Variants in CUBN observed in about 807,000 individuals in gnomAD.
CUBN encodes 460 kDa receptor.
CUBN carries 282 observed loss-of-function variants against 405.3 expected under a neutral mutation model. The observed-to-expected ratio is 0.70, with a 90% CI of 0.63 to 0.77. The LOEUF (loss-of-function observed/expected upper bound fraction) is 0.77. CUBN is among the 30% of genes least tolerant of loss of function. CUBN has a pLI of 0.00. For synonymous variants in CUBN, 1,684 were observed against 1,617.0 expected (o/e 1.04, Z -0.99); for missense variants, 4,514 against 4,475.2 (o/e 1.01, Z -0.25).
At chr10:17,063,464 C>T (rs1042151946) in intron 22 of CUBN, among the ~76,000 whole-genome samples, 2 of 152,114 alleles carry the variant, frequency 1.3e-5, no homozygotes, top group African/African-American at 2.4e-5. Flanking sequence ...ATGAAAACAT[C>T]GTCTCCCCTT....
In CUBN at chr10:16,982,637, G is replaced by A. The variant is rs776848635; in HGVS notation, c.4542C>T (p.Phe1514=). Residue 1514 remains phenylalanine (F), a synonymous_variant, in exon 31 of 67, where the codon TTC becomes TTT. Coordinates refer to ENST00000377833, the MANE Select transcript of CUBN (RefSeq NM_001081.4). ...AATGAATCTCTCCACTGGGAGCCTG[G>A]AAAATCCCACCACAACCTGGAAGTG... ...QAVTGGCGGI[F]QAPSGEIHSP... is the part of the protein sequence containing the mutation. 1 of 1,613,064 alleles carries A rather than the reference G, an allele frequency of 6.2e-7. No individual in the cohort carries two copies. The highest frequency in any genetic ancestry group is 1.1e-5 in the South Asian group (1 of 91,050).
At position 17,109,496 on chromosome 10, in the gene CUBN, T is replaced by C. The variant is rs1054466006; in HGVS notation, c.1111+144A>G. The C allele has an allele frequency of 2.7e-5, 19 of 704,204 alleles. No individual in the cohort carries two copies. The African/African-American group carries it at 3.0e-4, about 11-fold the overall frequency. The allele number at this position is 704,204 out of a possible 1,614,324, so 43.6% of individuals were successfully genotyped here. A position where few individuals can be genotyped will look rare whatever the true frequency, so the allele number is the denominator to read the frequency against. ...ATTACATATTTAAGAAAGCCAAATG[T>C]GTAGTTTTATGGCATGGATTAATTT... On this transcript the variant is annotated intron_variant, in intron 10 of 66. Coordinates refer to ENST00000377833, the MANE Select transcript of CUBN (RefSeq NM_001081.4).
intron 27 of CUBN, among the ~76,000 whole-genome samples, chr10:17,027,540 C>G (rs770813457): frequency 6.6e-6 from 1 of 152,086 alleles, no homozygotes; most frequent in Non-Finnish European, 1.5e-5. Context: ...TTCCCAATTT[C>G]CTATAATGAC....
At chr10:16,850,338 G>C (rs1209488612) in intron 60 of CUBN, among the ~76,000 whole-genome samples, 2 of 152,130 alleles carry the variant, frequency 1.3e-5, no homozygotes, top group Non-Finnish European at 2.9e-5. Flanking sequence ...TTTCCCCTGA[G>C]AGTGCAGTAG....
chr10:16,932,197 G>A (rs1015144790), intron 40 of CUBN, among the ~76,000 whole-genome samples: 30 of 152,156 alleles, frequency 2.0e-4, no homozygotes, highest in African/African-American at 6.3e-4. Flanking sequence ...TTCACCATTC[G>A]ATTTTTCTCA....
intron 59 of CUBN, among the ~76,000 whole-genome samples, chr10:16,862,466 G>A (rs1225942831): frequency 6.6e-6 from 1 of 152,136 alleles, no homozygotes; most frequent in Non-Finnish European, 1.5e-5. Flanking sequence ...CACAGGTTCA[G>A]GGACAAGCAG....
At chr10:16,850,762 A>T (rs1839663524) in intron 60 of CUBN, among the ~76,000 whole-genome samples, 1 of 152,222 alleles carries the variant, frequency 6.6e-6, no homozygotes, top group Non-Finnish European at 1.5e-5. Flanking sequence ...CATGAGCCAC[A>T]GTGCCCAGCC....
intron 40 of CUBN, among the ~76,000 whole-genome samples, chr10:16,929,253 G>A (rs1227303040): frequency 6.6e-6 from 1 of 152,092 alleles, no homozygotes; most frequent in Non-Finnish European, 1.5e-5. Context: ...AAGGACAGCA[G>A]GGGCACCACA....
chr10:17,092,441 C>G (rs1836284468), intron 14 of CUBN, among the ~76,000 whole-genome samples: 1 of 152,034 alleles, frequency 6.6e-6, no homozygotes, highest in Non-Finnish European at 1.5e-5. Context: ...ACTGCATTTC[C>G]AGGAGTTTAA....
intron 50 of CUBN, 55 bp from the exon 51 acceptor site, chr10:16,904,170 T>A (rs1375446257): frequency 1.3e-6 from 2 of 1,533,740 alleles, no homozygotes; most frequent in African/African-American, 1.4e-5. Context: ...GAGAAATACA[T>A]TCAATGAATT....
chr10:16,959,941 G>T (rs1843170731), intron 31 of CUBN, among the ~76,000 whole-genome samples: 1 of 152,124 alleles, frequency 6.6e-6, no homozygotes, highest in Non-Finnish European at 1.5e-5. Flanking sequence ...AAAAGTCAGG[G>T]CAATATACAA....
chr10:17,123,030 C>G (rs1837083309), intron 5 of CUBN, 132 bp from the exon 6 acceptor site: 2 of 712,550 alleles, frequency 2.8e-6, no homozygotes, highest in East Asian at 2.7e-5. Context: ...TACAATAATA[C>G]TGATATTAAC....
At chr10:16,967,795 C>G (rs78044804) in intron 31 of CUBN, among the ~76,000 whole-genome samples, 6 of 113,186 alleles carry the variant, frequency 5.3e-5, no homozygotes, top group South Asian at 2.9e-4. Flanking sequence ...GAAGGAGAGA[C>G]GGAGAGAGAA....
intron 6 of CUBN, among the ~76,000 whole-genome samples, 190 bp from the exon 7 acceptor site, chr10:17,115,787 T>A (rs1185666432): frequency 6.6e-6 from 1 of 152,236 alleles, no homozygotes; most frequent in Non-Finnish European, 1.5e-5. Flanking sequence ...AGTGGTGGAT[T>A]GAGTAAATAC....
At chr10:17,053,967 T>G (rs1354115237) in intron 22 of CUBN, among the ~76,000 whole-genome samples, 1 of 152,004 alleles carries the variant, frequency 6.6e-6, no homozygotes, top group Non-Finnish European at 1.5e-5. Context: ...AAATAATCCA[T>G]AGAACAAAGA....
chr10:17,068,722 C>T lies in CUBN; in HGVS notation c.2674G>A (p.Gly892Ser), dbSNP rs150108298. 6.9e-5 allele frequency: 111 copies of T among 1,611,964 alleles called. No homozygotes were observed. In the African/African-American group the frequency reaches 1.2e-3, roughly 18 times the overall value. The part of the protein sequence containing the change: ...LGSPENKKYC[G>S]TDIPSFITSV... ...GTTATAAATGAAGGTATGTCTGTAC[C>T]GCAATACTTTTTATTTTCAGGAGAA... Residue 892 changes from glycine to serine, a missense_variant, in exon 20 of 67, where the codon GGT becomes AGT. Physicochemically the swap from Gly to Ser is moderately conservative, Grantham distance 56 (BLOSUM62 0). This residue lies in a region of CUBN where 1,448 missense variants were observed against 1,388.0 expected (regional missense o/e 1.04). Coordinates refer to ENST00000377833, the MANE Select transcript of CUBN (RefSeq NM_001081.4).
intron 64 of CUBN, among the ~76,000 whole-genome samples, chr10:16,832,976 T>G (rs1207667952): frequency 6.6e-6 from 1 of 151,996 alleles, no homozygotes; most frequent in Non-Finnish European, 1.5e-5. Flanking sequence ...TTTCCTTTCT[T>G]TGCTTATGGG....
At chr10:17,024,023 C>G (rs17139626) in intron 27 of CUBN, among the ~76,000 whole-genome samples, 12,969 of 145,240 alleles carry the variant, frequency 0.089, 757 homozygotes, top group East Asian at 0.19. Context: ...TTGACACACT[C>G]AGAGAGGAAG....
Position 17,043,974 on chromosome 10 carries a change from C to T in CUBN, c.3682G>A (p.Gly1228Ser). 5.0e-6 allele frequency: 8 copies of T among 1,612,530 alleles called. No individual in the cohort carries two copies. The highest frequency in any genetic ancestry group is 6.8e-6 in the Non-Finnish European group (8 of 1,179,152). ...AGCAGATGAGAGTTGCTACTTGGGCCATCATATACCTTTAAGAAAATATTT... is the reference window on the plus strand; with the variant it reads ...AGCAGATGAGAGTTGCTACTTGGGCTATCATATACCTTTAAGAAAATATTT... Reference protein sequence around the residue: ...CTLDYLAVYDGPSSNSHLLTQ... With the variant: ...CTLDYLAVYDSPSSNSHLLTQ... Residue 1228 changes from glycine to serine, a missense_variant, in exon 26 of 67, where the codon GGC (glycine) becomes AGC (serine). Gly to Ser is a moderately conservative substitution (Grantham distance 56). Around this residue, in one of 5 missense-constraint regions of CUBN, gnomAD observed 242 missense variants for 309.0 expected, o/e 0.78. Transcript: ENST00000377833.
Sources: gnomAD v4.1 joint callset for allele counts (sites outside exome capture counted in the v4.1 genomes callset) on GRCh38, gnomAD v4.1.1 for gene constraint, gnomAD v4.1.1 regional missense constraint, MANE v1.5 for transcripts, NCBI Gene and HGNC (gene_info 2026-07-23, HGNC 2026-07-21) for gene names.